TMEM132B: variants seen among roughly 807,000 people sequenced by gnomAD.
TMEM132B encodes the protein transmembrane protein 132B.
In TMEM132B, 18 loss-of-function variants were observed where a neutral mutation model predicts 90.8. The ratio of observed to expected loss-of-function variants is 0.20; its 90% confidence interval spans 0.14 to 0.29. The LOEUF is 0.29. Ranked by LOEUF, TMEM132B falls within the 10% of genes least tolerant of loss-of-function variation. The pLI is 1.00. For synonymous variants in TMEM132B, 504 were observed against 523.3 expected, an observed-to-expected ratio of 0.96 and a Z score of 0.50; for missense variants, 1,096 against 1,326.8, an observed-to-expected ratio of 0.83 and a Z score of 2.70.
chr12:125,301,792 T>C (rs1053615727), intron 1 of TMEM132B: 1 of 152,200 alleles, frequency 6.6e-6, no homozygotes, highest in Non-Finnish European at 1.5e-5. Flanking sequence ...GGCAGGAGAA[T>C]GGCGTGAACC....
chr12:125,598,574 G>T (rs1025487715), intron 5 of TMEM132B, among the ~76,000 whole-genome samples: 15 of 152,158 alleles, frequency 9.9e-5, no homozygotes, highest in Admixed American at 2.6e-4. Context: ...AGATGGGACT[G>T]GGACACCTAG....
At chr12:125,189,867 G>A (rs576242772) in intron 1 of TMEM132B, among the ~76,000 whole-genome samples, 2 of 152,242 alleles carry the variant, frequency 1.3e-5, no homozygotes, top group East Asian at 1.9e-4. Flanking sequence ...TCCCAGATGC[G>A]TCTCCCAGCT....
rs1303884623 is a variant in TMEM132B, at chr12:125,517,326, GATTTTTTTTTTTTTTT to G, written c.1107-2112_1107-2097del. On this transcript the variant is annotated intron_variant, in intron 3 of 8. Transcript: ENST00000682704. ...CAGGCGCCCGCCACCATGCCCTGCT[GATTTTTTTTTTTTTTT>G]TTTTTTTTTTTTTTTTTTTTTTTGC... Among the ~76,000 whole-genome samples, 945 of 88,012 alleles carry G rather than the reference GATTTTTTTTTTTTTTT, an allele frequency of 0.011. 165 individuals carry two copies. In the East Asian group the frequency reaches 0.12, roughly 12 times the overall value. The allele number at this position is 88,012 out of a possible 152,430, so 57.7% of individuals were successfully genotyped here. A position where few individuals can be genotyped will look rare whatever the true frequency, so the allele number is the denominator to read the frequency against.
chr12:125,631,001 C>T (rs1886356777), intron 5 of TMEM132B, among the ~76,000 whole-genome samples: 1 of 151,972 alleles, frequency 6.6e-6, no homozygotes, highest in Admixed American at 6.6e-5. Flanking sequence ...ATTTCTGCTC[C>T]AATCTTTATT....
At chr12:125,382,860 T>A (rs1354941269) in intron 2 of TMEM132B, among the ~76,000 whole-genome samples, 1 of 152,218 alleles carries the variant, frequency 6.6e-6, no homozygotes, top group Non-Finnish European at 1.5e-5. Flanking sequence ...AACTCTTTGT[T>A]AATGGCTTTC....
chr12:125,328,325 TTC>T (rs1876653767), intron 1 of TMEM132B, among the ~76,000 whole-genome samples: 1 of 152,174 alleles, frequency 6.6e-6, no homozygotes, highest in Non-Finnish European at 1.5e-5. Flanking sequence ...TGCAGCAGGG[TTC>T]TGTGTTCTGC....
rs1216162445 is a variant in TMEM132B, at chr12:125,406,175, T to C, written c.960-9356T>C. Among the ~76,000 whole-genome samples, 1 of 152,252 alleles carries C rather than the reference T, an allele frequency of 6.6e-6. No individual in the cohort carries two copies. Among genetic ancestry groups the C allele is most frequent in the Non-Finnish European group, 1.5e-5 (1 of 68,044 alleles). ...CCAGTAGACTGTGAGTACCTTTTAC[T>C]GTCCAAACAGGAATCTTCTTTATCT... On this transcript the variant is annotated intron_variant, in intron 2 of 8. Transcript: ENST00000682704. The surrounding 1 kb of genome is among the most constrained non-coding windows in gnomAD (Gnocchi z 8.3).
rs115334619 is a variant in TMEM132B at position 125,460,182 on chromosome 12, C to A, written c.1106+44505C>A. 6.1e-3 allele frequency among the ~76,000 whole-genome samples: 932 copies of A among 152,264 alleles called. 4 individuals carry two copies. Among genetic ancestry groups the A allele is most frequent in the African/African-American group, 0.021 (878 of 41,536 alleles). On this transcript the variant is annotated intron_variant, in intron 3 of 8. Transcript: ENST00000682704. This position sits in a 1 kb window ranked among gnomAD's most constrained non-coding sequence, Gnocchi z 4.4. ...AACACATATACCCACTATGTACCCA[C>A]AAAAGTTAACATAAAAAAATAAAGC...
chr12:125,221,697 C>G (rs1873562190), intron 1 of TMEM132B, among the ~76,000 whole-genome samples: 1 of 152,148 alleles, frequency 6.6e-6, no homozygotes, highest in South Asian at 2.1e-4. Flanking sequence ...CTACCTAAAA[C>G]AAAGTGATTA....
chr12:125,249,444 A>G (rs1874270736), intron 1 of TMEM132B, among the ~76,000 whole-genome samples: 1 of 152,162 alleles, frequency 6.6e-6, no homozygotes, highest in Non-Finnish European at 1.5e-5. Context: ...TTGCCGAGGA[A>G]TTATCTAGAA....
At position 125,476,412 on chromosome 12, in the gene TMEM132B, C is replaced by CT. The variant is rs371238953; in HGVS notation, c.1107-43020dup. Among the ~76,000 whole-genome samples, 226 of 152,252 alleles carry CT rather than the reference C, an allele frequency of 1.5e-3. 1 individual carries two copies. The highest frequency in any genetic ancestry group is 5.2e-3 in the African/African-American group (216 of 41,554). ...CCATGCAATATGCTTTTGTGTCTGG[C>CT]TTTTTTTCACTGAGTGTAATGCTTT... On this transcript the variant is annotated intron_variant, in intron 3 of 8. Transcript: ENST00000682704.
intron 3 of TMEM132B, among the ~76,000 whole-genome samples, chr12:125,496,927 T>G (rs918070143): frequency 1.3e-5 from 2 of 152,244 alleles, no homozygotes; most frequent in African/African-American, 4.8e-5. Flanking sequence ...GCCTCCCTCA[T>G]TAGCTTGATG....
At chr12:125,559,589 C>G (rs2010004) in intron 4 of TMEM132B, among the ~76,000 whole-genome samples, 144,862 of 152,250 alleles carry the variant, frequency 0.95, 68,964 homozygotes, top group African/African-American at 0.98. Context: ...CTGTGTGATG[C>G]GGATGGTGGG....
At chr12:125,560,755 G>A (rs1284521855) in intron 4 of TMEM132B, among the ~76,000 whole-genome samples, 1 of 148,848 alleles carries the variant, frequency 6.7e-6, no homozygotes, top group Non-Finnish European at 1.5e-5. Context: ...AACCAGGGAA[G>A]CGGAGCTTGC....
intron 1 of TMEM132B, among the ~76,000 whole-genome samples, chr12:125,194,771 C>T (rs1480806322): frequency 1.3e-5 from 2 of 151,620 alleles, no homozygotes; most frequent in East Asian, 3.9e-4. Flanking sequence ...CTGTTTTTTG[C>T]GAGTCTCTAG....
rs959055025 is a variant in TMEM132B at position 125,246,313 on chromosome 12, G to A, written c.67+59447G>A. On this transcript the variant is annotated intron_variant, in intron 1 of 8. Coordinates refer to ENST00000682704, the MANE Select transcript of TMEM132B (RefSeq NM_001366854.1). The surrounding 1 kb of genome is among the most constrained non-coding windows in gnomAD (Gnocchi z 4.2). Reference sequence around the variant, plus strand: ...TTCCCTGCCACAGGGAACTCAAGCCGGTTTGGAGTTAGGGAGCAAGTTGAT... The same window carrying A: ...TTCCCTGCCACAGGGAACTCAAGCCAGTTTGGAGTTAGGGAGCAAGTTGAT... Among the ~76,000 whole-genome samples, 4 of 152,170 alleles carry A rather than the reference G, an allele frequency of 2.6e-5. No homozygotes were observed. Among genetic ancestry groups the A allele is most frequent in the East Asian group, 1.9e-4 (1 of 5,196 alleles).
intron 4 of TMEM132B, among the ~76,000 whole-genome samples, chr12:125,555,884 G>C (rs1295003425): frequency 1.3e-5 from 2 of 152,170 alleles, no homozygotes; most frequent in Non-Finnish European, 1.5e-5. Flanking sequence ...TTTTGGGGTG[G>C]TGTTAAAATG....
chr12:125,356,968 C>T (rs893701056), intron 2 of TMEM132B, among the ~76,000 whole-genome samples: 1 of 152,230 alleles, frequency 6.6e-6, no homozygotes, highest in Non-Finnish European at 1.5e-5. Flanking sequence ...GTCTGCTTTT[C>T]CTGCTAGCAA....
At chr12:125,214,002 C>T (rs1245316222) in intron 1 of TMEM132B, among the ~76,000 whole-genome samples, 5 of 152,082 alleles carry the variant, frequency 3.3e-5, no homozygotes, top group African/African-American at 1.2e-4. Context: ...ACAATAGTAC[C>T]CCTTCGTCAG....
Sources: gnomAD v4.1 joint callset for allele counts (sites outside exome capture counted in the v4.1 genomes callset) on GRCh38, gnomAD v4.1.1 for gene constraint, Gnocchi (gnomAD v3.1) non-coding constraint, MANE v1.5 for transcripts, NCBI Gene and HGNC (gene_info 2026-07-23, HGNC 2026-07-21) for gene names.